CATSPER4: variants seen among roughly 807,000 people sequenced by gnomAD.
The protein encoded by CATSPER4 is cation channel sperm associated 4.
CATSPER4 carries 46 observed loss-of-function variants against 54.4 expected under a neutral mutation model. The observed-to-expected ratio is 0.84, with a 90% CI of 0.67 to 1.08. CATSPER4 has a LOEUF of 1.08. CATSPER4 is among the 50% of genes least tolerant of loss of function. The pLI, the probability that CATSPER4 is intolerant of heterozygous loss-of-function variation, is 0.00. For missense variants in CATSPER4, 574 were observed against 612.8 expected, an observed-to-expected ratio of 0.94 and a Z score of 0.67; for synonymous variants, 230 against 231.9, an observed-to-expected ratio of 0.99 and a Z score of 0.08.
intron 3 of CATSPER4, among the ~76,000 whole-genome samples, chr1:26,196,402 C>CCTTTT (rs2088938843): frequency 3.6e-5 from 3 of 82,456 alleles, no homozygotes; most frequent in East Asian, 6.5e-4. Context: ...TTTTCTTTTC[C>CCTTTT]TTTTTTTTTT....
chr1:26,193,861 G>A lies in CATSPER4; in HGVS notation c.432G>A (p.Trp144Ter), dbSNP rs778545568. 1.2e-6 allele frequency: 2 copies of A among 1,614,004 alleles called. No individual in the cohort carries two copies. The highest frequency in any genetic ancestry group is 1.1e-5 in the South Asian group (1 of 91,080). The change falls in exon 3 of 10, where the codon TGG becomes TGA. Residue 144 changes from tryptophan to a stop codon, truncating the protein, a stop_gained. Transcript: ENST00000456354. LOFTEE classifies it high-confidence loss of function. The part of the protein sequence containing the change: ...TILLCEVLLG[W>*]LNGFWIFWKD... ...TTCTTTGTGAGGTTCTCCTTGGCTG[G>A]CTCAATGGCTTCTGGATTTTCTGGA...
At position 26,201,010 on chromosome 1, in the gene CATSPER4, C is replaced by T; in HGVS notation, c.1168C>T (p.Gln390Ter). 1 of 1,614,078 alleles carries T rather than the reference C, an allele frequency of 6.2e-7. No homozygotes were observed. Among genetic ancestry groups the T allele is most frequent in the Non-Finnish European group, 8.5e-7 (1 of 1,179,962 alleles). ...VLEAIQENLRQYKEIRDELNM... is the reference protein window; with the variant it reads ...VLEAIQENLR ...TGAGGCAATACAGGAGAACCTGAGGCAGTACAAGGAGATCCGAGATGAACT... is the reference window on the plus strand; with the variant it reads ...TGAGGCAATACAGGAGAACCTGAGGTAGTACAAGGAGATCCGAGATGAACT... The change falls in exon 8 of 10, where the codon CAG becomes TAG. Residue 390 changes from glutamine to a stop codon, truncating the protein, a stop_gained. Transcript: ENST00000456354. LOFTEE classifies it high-confidence loss of function.
At chr1:26,192,449 G>A (rs924064761) in intron 2 of CATSPER4, among the ~76,000 whole-genome samples, 3 of 151,914 alleles carry the variant, frequency 2.0e-5, no homozygotes, top group Non-Finnish European at 4.4e-5. Flanking sequence ...AATTAGCCAG[G>A]CATGGTGGTG....
Position 26,200,877 on chromosome 1 carries a change from T to C in CATSPER4, c.1035T>C (p.His345=), listed in dbSNP as rs76551600. 9.5e-4 allele frequency: 1,527 copies of C among 1,614,052 alleles called. 15 individuals carry two copies. In the African/African-American group the frequency reaches 0.017, roughly 18 times the overall value. ...EEENDQLPLV[H]CVVARSEKSG... is the part of the protein sequence containing the mutation. The stretch of plus-strand genomic sequence containing the variant: ...AGAATGACCAGCTGCCACTGGTGCA[T>C]TGTGTGGTCGCCCGCTCGGAGAAAT... Residue 345 remains histidine, a synonymous_variant, in exon 8 of 10, where the codon CAT becomes CAC. Coordinates refer to ENST00000456354, the MANE Select transcript of CATSPER4 (RefSeq NM_198137.2).
At chr1:26,191,202 G>A in intron 1 of CATSPER4, 85 bp from the exon 2 acceptor site, 3 of 1,535,166 alleles carry the variant, frequency 2.0e-6, no homozygotes, top group Non-Finnish European at 2.7e-6. Flanking sequence ...TGGGCCCCAG[G>A]AACCCCCATT....
chr1:26,196,498 G>A (rs1052122949), intron 3 of CATSPER4, among the ~76,000 whole-genome samples: 2 of 134,252 alleles, frequency 1.5e-5, no homozygotes, highest in South Asian at 2.4e-4. Flanking sequence ...CTGCAGCCTC[G>A]ACCTCCTGGG....
At chr1:26,201,192 C>T in intron 8 of CATSPER4, 151 bp downstream of exon 8, 1 of 956,664 alleles carries the variant, frequency 1.0e-6, no homozygotes, top group Non-Finnish European at 1.6e-6. Context: ...AACTGGAATC[C>T]AGACTCCAGG....
At position 26,190,781 on chromosome 1, in the gene CATSPER4, T is replaced by C; in HGVS notation, c.154T>C (p.Ser52Pro). The change falls in exon 1 of 10, where the codon TCC becomes CCC. Residue 52 changes from serine (S) to proline (P), a missense_variant. Coordinates refer to ENST00000456354, the MANE Select transcript of CATSPER4 (RefSeq NM_198137.2). Reference sequence around the variant, plus strand: ...TCCCCTGCAGAGTACCATTCACGAGTCCTACGGTCGGCCAGAGGAGCAAGT... The same window carrying C: ...TCCCCTGCAGAGTACCATTCACGAGCCCTACGGTCGGCCAGAGGAGCAAGT... Reference protein sequence around the residue: ...PSPLQSTIHESYGRPEEQVLI... With the variant: ...PSPLQSTIHEPYGRPEEQVLI... The C allele has an allele frequency of 6.2e-7, 1 of 1,613,132 alleles. No individual in the cohort carries two copies. The highest frequency in any genetic ancestry group is 2.2e-5 in the East Asian group (1 of 44,850).
chr1:26,198,255 AGTC>A (rs1179316996), intron 5 of CATSPER4, 28 bp from the exon 6 acceptor site: 9 of 1,614,066 alleles, frequency 5.6e-6, no homozygotes, highest in Non-Finnish European at 6.8e-6. Context: ...CCTTTGGTGA[AGTC>A]GGGGTGGGGC....
At chr1:26,198,680 T>C (rs1344424556) in intron 6 of CATSPER4, among the ~76,000 whole-genome samples, 1 of 152,204 alleles carries the variant, frequency 6.6e-6, no homozygotes, top group East Asian at 1.9e-4. Flanking sequence ...ACCAGCTGGG[T>C]AGTTGGCCTT....
At chr1:26,200,765 GA>G in intron 7 of CATSPER4, 64 bp from the exon 8 acceptor site, 7 of 1,322,544 alleles carry the variant, frequency 5.3e-6, no homozygotes, top group South Asian at 1.2e-5. Flanking sequence ...AGCCAAGCAG[GA>G]AAAGGGTGCC....
chr1:26,201,637 T>C, intron 9 of CATSPER4, 118 bp downstream of exon 9: 1 of 852,290 alleles, frequency 1.2e-6, no homozygotes. Flanking sequence ...CTGGTCCCCC[T>C]CACCACCACC....
intron 3 of CATSPER4, among the ~76,000 whole-genome samples, chr1:26,197,063 A>G (rs2088948854): frequency 6.6e-6 from 1 of 151,868 alleles, no homozygotes; most frequent in Non-Finnish European, 1.5e-5. Context: ...ACGTGCCACC[A>G]TGCCCAGATA....
intron 9 of CATSPER4, among the ~76,000 whole-genome samples, chr1:26,201,891 A>G (rs963394485): frequency 6.6e-6 from 1 of 151,742 alleles, no homozygotes; most frequent in Admixed American, 6.6e-5. Context: ...GGGTTTCACC[A>G]TCTTGGCCAG....
At position 26,202,887 on chromosome 1, in the gene CATSPER4, G is replaced by A. The variant is rs2089022734; in HGVS notation, c.*345G>A. 1 of 381,514 alleles carries A rather than the reference G, an allele frequency of 2.6e-6. No individual in the cohort carries two copies. Among genetic ancestry groups the A allele is most frequent in the Non-Finnish European group, 4.8e-6 (1 of 206,406 alleles). 23.6% of individuals were successfully genotyped at this position (381,514 alleles called of 1,614,324 possible). On this transcript the variant is annotated 3_prime_UTR_variant, in exon 10 of 10. Transcript: ENST00000456354. ...CAGAGCTGGTGGGGGGCCTCAGTGG[G>A]CCCCAGAACCAAGAAGAGAAAGGCA...
At chr1:26,199,815 T>C in intron 6 of CATSPER4, 69 bp from the exon 7 acceptor site, 1 of 1,572,734 alleles carries the variant, frequency 6.4e-7, no homozygotes, top group Non-Finnish European at 8.7e-7. Flanking sequence ...GATTTTCCCA[T>C]TTCAATGACA....
intron 7 of CATSPER4, 114 bp downstream of exon 7, chr1:26,200,172 G>C (rs542947979): frequency 1.6e-6 from 2 of 1,265,486 alleles, no homozygotes; most frequent in Admixed American, 4.4e-5. Flanking sequence ...AGAAAGCCAA[G>C]TTGGAGGCCT....
intron 3 of CATSPER4, among the ~76,000 whole-genome samples, chr1:26,194,481 G>C (rs2088908828): frequency 6.6e-6 from 1 of 152,208 alleles, no homozygotes; most frequent in Non-Finnish European, 1.5e-5. Context: ...CCCAGGCTAG[G>C]TTAGGTGCTG....
In CATSPER4 at chr1:26,200,054, G is replaced by T. The variant is rs76062664; in HGVS notation, c.983G>T (p.Ser328Ile). The change falls in exon 7 of 10, where the codon AGT (serine) becomes ATT (isoleucine). Residue 328 changes from serine to isoleucine, a missense_variant. Physicochemically the swap from Ser to Ile is moderately radical, Grantham distance 142. Transcript: ENST00000456354. ...GGACAACAGCAACGAATAACCTTTA[G>T]TGAGGTGCGTGGGATGGGGAGGGCA... ...EQGQQQRITFSETGAEEEEEN... is the reference protein window; with the variant it reads ...EQGQQQRITFIETGAEEEEEN... The T allele has an allele frequency of 4.9e-4, 792 of 1,613,020 alleles. 9 individuals carry two copies. The East Asian group carries it at 8.2e-3, about 17-fold the overall frequency.
Sources: gnomAD v4.1 joint callset for allele counts (sites outside exome capture counted in the v4.1 genomes callset) on GRCh38, gnomAD v4.1.1 for gene constraint, MANE v1.5 for transcripts, NCBI Gene and HGNC (gene_info 2026-07-23, HGNC 2026-07-21) for gene names.